ADAP2: variants seen among roughly 807,000 people sequenced by gnomAD.
The protein encoded by ADAP2 is arf-GAP with dual PH domain-containing protein 2.
In ADAP2, 42 loss-of-function variants were observed where a neutral mutation model predicts 54.9. That is an observed-to-expected ratio of 0.77 (90% CI 0.60 to 0.99). The LOEUF is 0.99. ADAP2 is among the 50% of genes least tolerant of loss of function. ADAP2 has a pLI of 0.00. For missense variants in ADAP2, 429 were observed against 480.4 expected, an observed-to-expected ratio of 0.89 and a Z score of 1.00; for synonymous variants, 177 against 180.1, an observed-to-expected ratio of 0.98 and a Z score of 0.14.
At chr17:30,936,373 A>C (rs902027633) in intron 5 of ADAP2, among the ~76,000 whole-genome samples, 1 of 152,050 alleles carries the variant, frequency 6.6e-6, no homozygotes, top group African/African-American at 2.4e-5. Context: ...TTTGTTGTCT[A>C]CGCTGTTCTC....
chr17:30,941,952 C>T (rs1473339217), intron 5 of ADAP2, among the ~76,000 whole-genome samples: 1 of 151,800 alleles, frequency 6.6e-6, no homozygotes, highest in Non-Finnish European at 1.5e-5. Context: ...TGTCACCAGG[C>T]TGGAGTGCAG....
Position 30,956,266 on chromosome 17 carries a change from T to C in ADAP2, c.908T>C (p.Phe303Ser). 1 of 1,614,172 alleles carries C rather than the reference T, an allele frequency of 6.2e-7. No individual in the cohort carries two copies. Residue 303 changes from phenylalanine (F) to serine (S), a missense_variant, in exon 10 of 11, where the codon TTT becomes TCT. Physicochemically the swap from Phe to Ser is radical, Grantham distance 155 (BLOSUM62 -2). Transcript: ENST00000330889. ...PLDAFEQGQV[F>S]LGNKEQGYEA... ...GATGCCTTCGAGCAGGGCCAGGTTT[T>C]TCTTGGGAACAAGGAGCAGGGATAT...
chr17:30,949,748 C>CAAAAAAAAA (rs34131343), intron 7 of ADAP2, among the ~76,000 whole-genome samples: 1 of 62,002 alleles, frequency 1.6e-5, no homozygotes, highest in African/African-American at 4.8e-5. Context: ...GACTCCGTCT[C>CAAAAAAAAA]AAAAAAAAAA....
At chr17:30,937,524 A>T (rs916571791) in intron 5 of ADAP2, among the ~76,000 whole-genome samples, 19 of 152,328 alleles carry the variant, frequency 1.2e-4, no homozygotes, top group African/African-American at 4.3e-4. Flanking sequence ...GCCCAGCCTG[A>T]CTTAAGCTTT....
At chr17:30,951,407 T>C (rs1904617955) in intron 7 of ADAP2, among the ~76,000 whole-genome samples, 1 of 152,146 alleles carries the variant, frequency 6.6e-6, no homozygotes, top group Non-Finnish European at 1.5e-5. Flanking sequence ...GGACTCCATC[T>C]GTTTTCTCCA....
chr17:30,946,511 G>A (rs1009275318), intron 6 of ADAP2, among the ~76,000 whole-genome samples: 14 of 152,076 alleles, frequency 9.2e-5, no homozygotes, highest in East Asian at 1.9e-4. Flanking sequence ...GAGCTACTGC[G>A]CCCGGCTGAG....
chr17:30,926,806 C>G (rs1256637303), intron 2 of ADAP2, 21 bp from the exon 3 acceptor site: 1 of 1,609,852 alleles, frequency 6.2e-7, no homozygotes, highest in Non-Finnish European at 8.5e-7. Flanking sequence ...AATATTACCT[C>G]AGGTTGCTGT....
Position 30,925,270 on chromosome 17 carries a change from A to T in ADAP2, c.226-1557A>T, listed in dbSNP as rs1487597644. Among the ~76,000 whole-genome samples the T allele has an allele frequency of 2.0e-5, 3 of 146,368 alleles. No homozygotes were observed. The East Asian group carries it at 5.9e-4, about 29-fold the overall frequency. ...AGTGGCACGATCTCGGCTCACTGCA[A>T]CCTCCACCTCCTGGATTCAAGCGAT... On this transcript the variant is annotated intron_variant, in intron 2 of 10. Coordinates refer to ENST00000330889, the MANE Select transcript of ADAP2 (RefSeq NM_018404.3).
rs768129946 is a variant in ADAP2 at position 30,956,348 on chromosome 17, C to T, written c.990C>T (p.Leu330=). 1.9e-6 allele frequency: 3 copies of T among 1,614,248 alleles called. No homozygotes were observed. In the Admixed American group the frequency reaches 5.0e-5, roughly 27 times the overall value. The change falls in exon 10 of 11, where the codon CTC becomes CTT. Residue 330 remains leucine, a synonymous_variant. Transcript: ENST00000330889. The stretch of plus-strand genomic sequence containing the variant: ...GAGGAAATCGCTGGAAAGCCGGACT[C>T]ACCATTGTCACCCCAGAGCGGAGAT... ...GIRGNRWKAG[L]TIVTPERRFV...
At chr17:30,927,022 GGCCTGGTGC>G in intron 3 of ADAP2, 104 bp downstream of exon 3, 1 of 861,470 alleles carries the variant, frequency 1.2e-6, no homozygotes, top group Non-Finnish European at 1.9e-6. Context: ...CTCTTCTATG[GGCCTGGTGC>G]GCAGGTGGAT....
At position 30,924,453 on chromosome 17, in the gene ADAP2, C is replaced by T. The variant is rs569468416; in HGVS notation, c.225+1383C>T. Among the ~76,000 whole-genome samples, 156 of 152,040 alleles carry T rather than the reference C, an allele frequency of 1.0e-3. 1 individual carries two copies. The highest frequency in any genetic ancestry group is 1.9e-3 in the Non-Finnish European group (129 of 68,014). On this transcript the variant is annotated intron_variant, in intron 2 of 10. Transcript: ENST00000330889. ...AATAACCTGATTTGTGGTCTAAAGT[C>T]CTCCTTTCCCCCTAGGCAGAAAGAG...
intron 1 of ADAP2, 145 bp from the exon 2 acceptor site, chr17:30,922,794 TG>T: frequency 2.3e-6 from 2 of 881,536 alleles, no homozygotes; most frequent in Non-Finnish European, 3.4e-6. Flanking sequence ...CAGCGGCCGG[TG>T]GGCTAACCAG....
At chr17:30,950,329 A>T (rs1269373611) in intron 7 of ADAP2, among the ~76,000 whole-genome samples, 1 of 152,158 alleles carries the variant, frequency 6.6e-6, no homozygotes, top group Non-Finnish European at 1.5e-5. Context: ...TGGGCCAGGG[A>T]GACCCGCATG....
chr17:30,957,965 G>T lies in ADAP2; in HGVS notation c.*96G>T. On this transcript the variant is annotated 3_prime_UTR_variant, in exon 11 of 11. Transcript: ENST00000330889. ...CCTGGCTGCCCACCATCAGTGCCCCGCAGTCAGCAGCCATTCCTGGCAGTG... is the reference window on the plus strand; with the variant it reads ...CCTGGCTGCCCACCATCAGTGCCCCTCAGTCAGCAGCCATTCCTGGCAGTG... 8.7e-7 allele frequency: 1 copy of T among 1,148,718 alleles called. No homozygotes were observed. The highest frequency in any genetic ancestry group is 1.3e-6 in the Non-Finnish European group (1 of 777,378). 71.2% of individuals were successfully genotyped at this position (1,148,718 alleles called of 1,614,324 possible).
chr17:30,951,642 T>C (rs1293488032), intron 7 of ADAP2, among the ~76,000 whole-genome samples: 5 of 142,360 alleles, frequency 3.5e-5, no homozygotes, highest in Non-Finnish European at 5.9e-5. Flanking sequence ...GACCAATATT[T>C]TCTTTTCTTT....
chr17:30,923,325 A>C (rs1476662090), intron 2 of ADAP2, among the ~76,000 whole-genome samples: 1 of 138,474 alleles, frequency 7.2e-6, no homozygotes, highest in Non-Finnish European at 1.5e-5. Flanking sequence ...AGTGCAGTGG[A>C]GCAATCTTGG....
intron 3 of ADAP2, among the ~76,000 whole-genome samples, chr17:30,930,337 G>T (rs1250522451): frequency 2.0e-5 from 3 of 152,088 alleles, no homozygotes; most frequent in African/African-American, 7.2e-5. Flanking sequence ...CTCCCAAAGT[G>T]CTAGGATTAC....
intron 5 of ADAP2, among the ~76,000 whole-genome samples, chr17:30,935,841 G>T (rs1478294017): frequency 1.3e-5 from 2 of 152,196 alleles, no homozygotes; most frequent in Non-Finnish European, 2.9e-5. Flanking sequence ...GAAAAGTGTG[G>T]AGGGAGATGA....
intron 5 of ADAP2, among the ~76,000 whole-genome samples, chr17:30,941,802 G>A (rs915958061): frequency 3.3e-5 from 5 of 152,168 alleles, no homozygotes; most frequent in Non-Finnish European, 5.9e-5. Context: ...GAGATTCTGC[G>A]AAGGGGGATG....
Sources: allele counts gnomAD v4.1 joint callset (sites outside exome capture counted in the v4.1 genomes callset), GRCh38; gene constraint gnomAD v4.1.1; transcripts MANE v1.5; gene names NCBI Gene and HGNC (gene_info 2026-07-23, HGNC 2026-07-21).